SPARC: variants seen among roughly 807,000 people sequenced by gnomAD.
SPARC encodes the protein secreted protein acidic and cysteine rich, also known as basement-membrane protein 40.
A neutral mutation model predicts 37.7 loss-of-function variants in SPARC; 23 were observed. The observed-to-expected ratio is 0.61, with a 90% CI of 0.44 to 0.87. The LOEUF (loss-of-function observed/expected upper bound fraction) is 0.87, where lower values mean the gene tolerates loss of function less well. Ranked by LOEUF, SPARC falls within the 40% of genes least tolerant of loss-of-function variation. SPARC has a pLI of 0.00. For synonymous variants in SPARC, 155 were observed against 150.8 expected (o/e 1.03, Z -0.20); for missense variants, 312 against 389.0 (o/e 0.80, Z 1.66).
chr5:151,683,717 T>C (rs1761064890), intron 1 of SPARC, among the ~76,000 whole-genome samples: 1 of 152,228 alleles, frequency 6.6e-6, no homozygotes, highest in Non-Finnish European at 1.5e-5. Flanking sequence ...TTAGCATCTG[T>C]CTGTTTCAGC....
chr5:151,676,317 A>C, intron 1 of SPARC, 116 bp from the exon 2 acceptor site: 1 of 690,012 alleles, frequency 1.4e-6, no homozygotes, highest in Non-Finnish European at 2.5e-6. Context: ...AATGATAGTG[A>C]AAAACATGAG....
At chr5:151,672,662 A>G (rs1006400019) in intron 4 of SPARC, 6 of 170,588 alleles carry the variant, frequency 3.5e-5, no homozygotes, top group Admixed American at 1.7e-4. Flanking sequence ...GTCAGGTTGC[A>G]TTTCCTCAGG....
At chr5:151,666,703 G>A (rs1760631243) in intron 7 of SPARC, among the ~76,000 whole-genome samples, 194 bp from the exon 8 acceptor site, 1 of 152,182 alleles carries the variant, frequency 6.6e-6, no homozygotes, top group Non-Finnish European at 1.5e-5. Flanking sequence ...TGACCTCAAA[G>A]AATTCTCCAT....
rs746262776 is a variant in SPARC, at chr5:151,684,604, G to GAAAAA, written c.-14+2256_-14+2260dup. On this transcript the variant is annotated intron_variant, in intron 1 of 9. Transcript: ENST00000231061. ...AACCCCAAGATGATGGAGCTGCCAG[G>GAAAAA]AAAAAAAAAAAAAAAAAAAGCTGAG... is the stretch of plus-strand genomic sequence containing the variant. Among the ~76,000 whole-genome samples, 10 of 112,792 alleles carry GAAAAA rather than the reference G, an allele frequency of 8.9e-5. No individual in the cohort carries two copies. The South Asian group carries it at 2.8e-3, about 31-fold the overall frequency. The allele number at this position is 112,792 out of a possible 152,430, so 74.0% of individuals were successfully genotyped here.
At chr5:151,674,246 C>T (rs183687856) in intron 3 of SPARC, among the ~76,000 whole-genome samples, 70 of 152,188 alleles carry the variant, frequency 4.6e-4, no homozygotes, top group African/African-American at 1.7e-3. Context: ...CTCCTGACCT[C>T]GTGAATTGCC....
Position 151,673,165 on chromosome 5 carries a change from C to T in SPARC, c.172G>A (p.Gly58Ser). The change falls in exon 4 of 10, where the codon GGT (glycine) becomes AGT (serine). Residue 58 changes from glycine to serine, a missense_variant. Coordinates refer to ENST00000231061, the MANE Select transcript of SPARC (RefSeq NM_003118.4). ...ACCTCCTCTTCGGTTTCCTCTGCAC[C>T]ATCATCAAATTCTCCTACTTCCACC... Reference protein sequence around the residue: ...VQVEVGEFDDGAEETEEEVVA... With the variant: ...VQVEVGEFDDSAEETEEEVVA... 6.2e-7 allele frequency: 1 copy of T among 1,614,036 alleles called. No homozygotes were observed. Among genetic ancestry groups the T allele is most frequent in the Non-Finnish European group, 8.5e-7 (1 of 1,179,884 alleles).
chr5:151,667,352 A>C (rs1226840817), intron 7 of SPARC, 115 bp downstream of exon 7: 2 of 1,159,620 alleles, frequency 1.7e-6, no homozygotes, highest in East Asian at 4.7e-5. Context: ...CCTGGTGCTC[A>C]GGGGTAAATG....
intron 5 of SPARC, among the ~76,000 whole-genome samples, chr5:151,670,061 T>A (rs1019791720): frequency 6.6e-6 from 1 of 152,136 alleles, no homozygotes; most frequent in Non-Finnish European, 1.5e-5. Flanking sequence ...CTGGAAGATA[T>A]TTGAAGAGAA....
Position 151,674,681 on chromosome 5 carries a change from G to T in SPARC, c.58-7C>A. The T allele has an allele frequency of 3.7e-6, 6 of 1,614,080 alleles. No individual in the cohort carries two copies. Among genetic ancestry groups the T allele is most frequent in the Non-Finnish European group, 5.1e-6 (6 of 1,179,978 alleles). ...CAGGCAGGGCTTCTTGCTGCTGTTGGAAAGAGAAAGTAGCGTTCAGAGGGG... is the reference window on the plus strand; with the variant it reads ...CAGGCAGGGCTTCTTGCTGCTGTTGTAAAGAGAAAGTAGCGTTCAGAGGGG... On this transcript the variant is annotated splice_region_variant and splice_polypyrimidine_tract_variant and intron_variant, in intron 2 of 9. Coordinates refer to ENST00000231061, the MANE Select transcript of SPARC (RefSeq NM_003118.4).
intron 6 of SPARC, among the ~76,000 whole-genome samples, chr5:151,668,690 A>T (rs1307730342): frequency 2.0e-5 from 3 of 152,080 alleles, no homozygotes; most frequent in African/African-American, 7.2e-5. Context: ...AGTTGAAGTG[A>T]GTGGGCAACA....
rs1271841146 is a variant in SPARC at position 151,666,544 on chromosome 5, C to T, written c.586-35G>A. The T allele has an allele frequency of 2.5e-6, 4 of 1,604,394 alleles. No homozygotes were observed. In the African/African-American group the frequency reaches 4.0e-5, roughly 16 times the overall value. On this transcript the variant is annotated intron_variant, in intron 7 of 9. Transcript: ENST00000231061. ...TAGAGACTGTGTGTGACAAGAGGTCCATGGAGATTGTCTGGACCAGTCGGG... is the reference window on the plus strand; with the variant it reads ...TAGAGACTGTGTGTGACAAGAGGTCTATGGAGATTGTCTGGACCAGTCGGG...
chr5:151,666,606 G>T (rs1760628843), intron 7 of SPARC, 97 bp from the exon 8 acceptor site: 2 of 1,103,110 alleles, frequency 1.8e-6, no homozygotes, highest in Non-Finnish European at 2.6e-6. Flanking sequence ...AGCAGGCAGA[G>T]ACTAGCCAGA....
Position 151,673,192 on chromosome 5 carries a change from G to A in SPARC, c.145C>T (p.Gln49Ter). Residue 49 changes from glutamine to a stop codon, truncating the protein, a stop_gained, in exon 4 of 10, where the codon CAG becomes TAG. Coordinates refer to ENST00000231061, the MANE Select transcript of SPARC (RefSeq NM_003118.4). LOFTEE classifies it high-confidence loss of function. The part of the protein sequence containing the change: ...TEVSVGANPV[Q>*]VEVGEFDDGA... ...TCATCAAATTCTCCTACTTCCACCT[G>A]GACAGGATTAGCTCCCACAGATACC... The A allele has an allele frequency of 1.2e-6, 2 of 1,613,496 alleles. No homozygotes were observed. Among genetic ancestry groups the A allele is most frequent in the Non-Finnish European group, 1.7e-6 (2 of 1,179,416 alleles).
intron 3 of SPARC, among the ~76,000 whole-genome samples, chr5:151,673,571 C>T (rs187322783): frequency 5.3e-5 from 8 of 152,316 alleles, no homozygotes; most frequent in Non-Finnish European, 5.9e-5. Flanking sequence ...TGCTTCCTCT[C>T]CCCTATTGTT....
intron 9 of SPARC, among the ~76,000 whole-genome samples, chr5:151,663,823 G>A (rs556245841): frequency 2.0e-5 from 3 of 152,284 alleles, no homozygotes; most frequent in African/African-American, 4.8e-5. Flanking sequence ...TCCTCTCTGT[G>A]TGCCTGCCAG....
In SPARC at chr5:151,663,400, T is replaced by C; in HGVS notation, c.*171A>G. On this transcript the variant is annotated 3_prime_UTR_variant, in exon 10 of 10. Coordinates refer to ENST00000231061, the MANE Select transcript of SPARC (RefSeq NM_003118.4). ...AATAGTTAAGTTACAGCTAAGAATG[T>C]CATGTCTTGGGTTAGAATTTTCATT... 3 of 662,790 alleles carry C rather than the reference T, an allele frequency of 4.5e-6. No homozygotes were observed. The highest frequency in any genetic ancestry group is 3.7e-5 in the South Asian group (2 of 53,886). The allele number at this position is 662,790 out of a possible 1,614,324, so 41.1% of individuals were successfully genotyped here.
chr5:151,683,101 G>T (rs1761035286), intron 1 of SPARC, among the ~76,000 whole-genome samples: 1 of 150,996 alleles, frequency 6.6e-6, no homozygotes, highest in African/African-American at 2.4e-5. Flanking sequence ...GGGAGGGAGG[G>T]AGGGAGGGAG....
intron 6 of SPARC, 35 bp from the exon 7 acceptor site, chr5:151,667,635 C>T (rs765591949): frequency 2.5e-6 from 4 of 1,608,732 alleles, no homozygotes; most frequent in African/African-American, 1.3e-5. Context: ...CAGCACAGAC[C>T]CTGCCTGGGC....
intron 2 of SPARC, among the ~76,000 whole-genome samples, 188 bp from the exon 3 acceptor site, chr5:151,674,862 C>T (rs1760823693): frequency 6.6e-6 from 1 of 152,174 alleles, no homozygotes; most frequent in Non-Finnish European, 1.5e-5. Flanking sequence ...ATGTGAGCAC[C>T]GTGGAACACT....
Sources: gnomAD v4.1 joint callset for allele counts (sites outside exome capture counted in the v4.1 genomes callset) on GRCh38, gnomAD v4.1.1 for gene constraint, MANE v1.5 for transcripts, NCBI Gene and HGNC (gene_info 2026-07-23, HGNC 2026-07-21) for gene names.